The following RPS6KC1 variants were observed in gnomAD, a reference collection of about 807,000 sequenced individuals.
RPS6KC1 encodes ribosomal protein S6 kinase C1.
A neutral mutation model predicts 103.8 loss-of-function variants in RPS6KC1; 54 were observed. The ratio of observed to expected loss-of-function variants is 0.52; its 90% CI spans 0.42 to 0.65. The LOEUF is 0.65. Among genes scored for constraint, RPS6KC1 ranks in the 30% least tolerant of loss-of-function variants. The pLI is 0.00. For synonymous variants in RPS6KC1, 439 were observed against 438.7 expected (o/e 1.00, Z -0.01); for missense variants, 1,151 against 1,253.8 (o/e 0.92, Z 1.24).
intron 6 of RPS6KC1, among the ~76,000 whole-genome samples, chr1:213,150,076 G>A (rs1019918494): frequency 5.3e-5 from 8 of 152,168 alleles, no homozygotes; most frequent in Admixed American, 5.2e-4. Context: ...ACAGACTAAT[G>A]GGTCTTGTTT....
the RPS6KC1 span, among the ~76,000 whole-genome samples, chr1:213,332,066 A>G: frequency 4.6e-5 from 7 of 152,028 alleles, no homozygotes; most frequent in Non-Finnish European, 1.0e-4. Context: ...AAAATCCTAT[A>G]TTGGAAAAAA....
At chr1:213,446,476 T>C in the RPS6KC1 span, among the ~76,000 whole-genome samples, 1 of 152,204 alleles carries the variant, frequency 6.6e-6, no homozygotes, top group African/African-American at 2.4e-5. Flanking sequence ...GTCTTTAAGG[T>C]AGAATTTCTT....
the RPS6KC1 span, among the ~76,000 whole-genome samples, chr1:213,523,096 C>A: frequency 6.6e-6 from 1 of 152,122 alleles, no homozygotes; most frequent in Non-Finnish European, 1.5e-5. Context: ...CAATTACAGA[C>A]CATTGTAGGG....
At chr1:213,217,121 C>A (rs1025375208) in intron 8 of RPS6KC1, among the ~76,000 whole-genome samples, 2 of 151,582 alleles carry the variant, frequency 1.3e-5, no homozygotes, top group African/African-American at 4.9e-5. Flanking sequence ...TGATAGACAG[C>A]TAGCAAGACT....
At chr1:213,624,415 G>T in the RPS6KC1 span, among the ~76,000 whole-genome samples, 61 of 152,338 alleles carry the variant, frequency 4.0e-4, no homozygotes, top group African/African-American at 1.4e-3. Context: ...GACTATGAAA[G>T]CGATTGCCAG....
chr1:213,762,844 C>T, the RPS6KC1 span, among the ~76,000 whole-genome samples: 2 of 151,672 alleles, frequency 1.3e-5, no homozygotes, highest in African/African-American at 4.8e-5. Context: ...GAGCCATTAA[C>T]CTAAAAGTAA....
At chr1:213,078,750 A>G (rs899801003) in intron 3 of RPS6KC1, among the ~76,000 whole-genome samples, 4 of 152,190 alleles carry the variant, frequency 2.6e-5, no homozygotes, top group African/African-American at 7.2e-5. Flanking sequence ...TGCATATGTA[A>G]TTGCAGAGTC....
chr1:213,589,342 C>T, the RPS6KC1 span, among the ~76,000 whole-genome samples: 4,014 of 152,140 alleles, frequency 0.026, 97 homozygotes, highest in African/African-American at 0.06. Context: ...GAAACAAAGA[C>T]CTTGCTTAAG....
At chr1:213,780,375 C>A in the RPS6KC1 span, among the ~76,000 whole-genome samples, 1 of 152,184 alleles carries the variant, frequency 6.6e-6, no homozygotes, top group African/African-American at 2.4e-5. Flanking sequence ...CACTAGACAG[C>A]ACAAGGTGGG....
intron 14 of RPS6KC1, among the ~76,000 whole-genome samples, chr1:213,268,564 TATA>T (rs2094965244): frequency 2.7e-5 from 4 of 147,488 alleles, no homozygotes; most frequent in African/African-American, 7.4e-5. Flanking sequence ...AATTTATTTA[TATA>T]TTTATATATT....
At chr1:213,292,871 C>T in the RPS6KC1 span, among the ~76,000 whole-genome samples, 1 of 152,148 alleles carries the variant, frequency 6.6e-6, no homozygotes, top group Non-Finnish European at 1.5e-5. Context: ...CACAATGTTT[C>T]CTACAAAAGG....
chr1:213,578,896 G>C, the RPS6KC1 span, among the ~76,000 whole-genome samples: 1 of 152,058 alleles, frequency 6.6e-6, no homozygotes, highest in Non-Finnish European at 1.5e-5. Context: ...TGTTGGGAAG[G>C]CATGATTGGT....
At chr1:213,208,276 T>G (rs1488959783) in intron 8 of RPS6KC1, among the ~76,000 whole-genome samples, 1 of 152,198 alleles carries the variant, frequency 6.6e-6, no homozygotes, top group Non-Finnish European at 1.5e-5. Flanking sequence ...CTTGGCATAC[T>G]ACCTAGCTCT....
the RPS6KC1 span, among the ~76,000 whole-genome samples, chr1:213,790,919 G>T: frequency 2.3e-4 from 24 of 104,226 alleles, no homozygotes; most frequent in East Asian, 5.1e-3. Context: ...CTTTTAAATA[G>T]TGTTTTCATC....
chr1:213,801,073 A>T, the RPS6KC1 span, among the ~76,000 whole-genome samples: 6 of 152,312 alleles, frequency 3.9e-5, no homozygotes, highest in East Asian at 1.2e-3. Flanking sequence ...GCTAAGGTGA[A>T]GTGCAGAGGG....
the RPS6KC1 span, among the ~76,000 whole-genome samples, chr1:213,809,593 A>T: frequency 6.6e-6 from 1 of 152,228 alleles, no homozygotes; most frequent in Admixed American, 6.5e-5. Flanking sequence ...GCCAAAGTTT[A>T]CTACATACGC....
the RPS6KC1 span, among the ~76,000 whole-genome samples, chr1:213,803,856 G>A: frequency 1.1e-4 from 17 of 149,056 alleles, no homozygotes; most frequent in African/African-American, 3.7e-4. Context: ...AGACTTTCAC[G>A]TACTCTTGTG....
chr1:213,278,065 C>G (rs144329935), downstream of RPS6KC1, among the ~76,000 whole-genome samples: 102 of 152,038 alleles, frequency 6.7e-4, no homozygotes, highest in African/African-American at 2.3e-3. Flanking sequence ...TTAGCTTGGG[C>G]ACGGTGGCAC....
chr1:213,184,709 T>C (rs960077943), intron 8 of RPS6KC1, among the ~76,000 whole-genome samples: 17 of 152,206 alleles, frequency 1.1e-4, no homozygotes, highest in Non-Finnish European at 2.4e-4. Flanking sequence ...TTCATTTGTT[T>C]CGAGAAGTTT....
Sources: allele counts gnomAD v4.1 joint callset (sites outside exome capture counted in the v4.1 genomes callset), GRCh38; gene constraint gnomAD v4.1.1; transcripts MANE v1.5; gene names NCBI Gene and HGNC (gene_info 2026-07-23, HGNC 2026-07-21).